Variants in DOP1B observed in about 807,000 individuals in gnomAD.
DOP1B encodes the protein protein DOP1B.
In DOP1B, 174 loss-of-function variants were observed where a neutral mutation model predicts 233.5. The observed-to-expected ratio is 0.75, with a 90% CI of 0.66 to 0.85. DOP1B has a LOEUF of 0.85. DOP1B is among the 40% of genes least tolerant of loss of function. The pLI is 0.00. For missense variants in DOP1B, 2,652 were observed against 2,846.6 expected, an observed-to-expected ratio of 0.93 and a Z score of 1.56; for synonymous variants, 1,190 against 1,185.6, an observed-to-expected ratio of 1.00 and a Z score of -0.08.
At chr21:36,174,319 C>A (rs1355750197) in intron 2 of DOP1B, among the ~76,000 whole-genome samples, 2 of 152,146 alleles carry the variant, frequency 1.3e-5, no homozygotes, top group African/African-American at 4.8e-5. Flanking sequence ...GAAACCCCGT[C>A]TCTACTAAAA....
chr21:36,158,688 A>C (rs1282782004), intron 1 of DOP1B, among the ~76,000 whole-genome samples: 1 of 151,894 alleles, frequency 6.6e-6, no homozygotes, highest in Non-Finnish European at 1.5e-5. Flanking sequence ...CTGTAGTCCC[A>C]GCTACTCGGG....
chr21:36,196,563 A>G (rs1374481874), intron 2 of DOP1B, among the ~76,000 whole-genome samples: 1 of 147,340 alleles, frequency 6.8e-6, no homozygotes, highest in Non-Finnish European at 1.5e-5. Flanking sequence ...ACATTTTTTC[A>G]CATTATTTTA....
chr21:36,219,670 C>T (rs1189055314), intron 10 of DOP1B, among the ~76,000 whole-genome samples, 178 bp downstream of exon 10: 2 of 152,066 alleles, frequency 1.3e-5, no homozygotes, highest in Non-Finnish European at 2.9e-5. Context: ...TTGACTGTTC[C>T]CTACTGAGTA....
At chr21:36,252,845 G>C (rs995012705) in intron 22 of DOP1B, among the ~76,000 whole-genome samples, 50 of 152,280 alleles carry the variant, frequency 3.3e-4, no homozygotes, top group African/African-American at 1.2e-3. Flanking sequence ...CCACTTGACT[G>C]GTCCATGATG....
chr21:36,226,497 C>T (rs1030331253), intron 12 of DOP1B, among the ~76,000 whole-genome samples: 3 of 152,056 alleles, frequency 2.0e-5, no homozygotes, highest in African/African-American at 7.2e-5. Context: ...CAGGGTTTCA[C>T]CATATTGGCC....
At chr21:36,198,086 A>G (rs2066313861) in intron 2 of DOP1B, among the ~76,000 whole-genome samples, 1 of 151,936 alleles carries the variant, frequency 6.6e-6, no homozygotes, top group African/African-American at 2.4e-5. Context: ...TGTGTGAGCA[A>G]ATGAACTACT....
intron 15 of DOP1B, among the ~76,000 whole-genome samples, chr21:36,235,377 C>G (rs1187820586): frequency 6.6e-6 from 1 of 152,006 alleles, no homozygotes; most frequent in Non-Finnish European, 1.5e-5. Context: ...TGGCAGATTT[C>G]AGATAACTAA....
rs534107878 is a variant in DOP1B at position 36,179,830 on chromosome 21, G to A, written c.138+14959G>A. On this transcript the variant is annotated intron_variant, in intron 2 of 36. Coordinates refer to ENST00000691173, the MANE Select transcript of DOP1B (RefSeq NM_001320714.2). Reference sequence around the variant, plus strand: ...GACTAGTGTATTTCCAGTTTTTCACGACTCTGAATAAAGCTGTAATGAACA... The same window carrying A: ...GACTAGTGTATTTCCAGTTTTTCACAACTCTGAATAAAGCTGTAATGAACA... Among the ~76,000 whole-genome samples the A allele has an allele frequency of 2.0e-5, 3 of 152,252 alleles. No homozygotes were observed. In the South Asian group the frequency reaches 6.2e-4, roughly 32 times the overall value.
At chr21:36,253,639 A>C in intron 22 of DOP1B, 133 bp from the exon 23 acceptor site, 3 of 664,752 alleles carry the variant, frequency 4.5e-6, no homozygotes, top group Admixed American at 8.7e-5. Context: ...CCGTGTTTCA[A>C]AAAAAAAAAA....
In DOP1B at chr21:36,198,003, G is replaced by C. The variant is rs185773198; in HGVS notation, c.139-1067G>C. On this transcript the variant is annotated intron_variant, in intron 2 of 36. Coordinates refer to ENST00000691173, the MANE Select transcript of DOP1B (RefSeq NM_001320714.2). ...CCATTGCACTCCGGCCTGGGCAACA[G>C]AGCAAGACTCCGTCTCAAAAAAAAA... Among the ~76,000 whole-genome samples, 1,367 of 142,630 alleles carry C rather than the reference G, an allele frequency of 9.6e-3. 21 individuals carry two copies. The highest frequency in any genetic ancestry group is 0.032 in the African/African-American group (1,253 of 38,584). 93.6% of individuals were successfully genotyped at this position (142,630 alleles called of 152,430 possible). A position where few individuals can be genotyped will look rare whatever the true frequency, so the allele number is the denominator to read the frequency against.
chr21:36,275,224 C>T (rs763846466), intron 27 of DOP1B, among the ~76,000 whole-genome samples: 11 of 152,102 alleles, frequency 7.2e-5, no homozygotes, highest in Non-Finnish European at 1.3e-4. Flanking sequence ...GAAATTAATT[C>T]AAGAGAGAGG....
At chr21:36,250,562 G>T (rs1357793553) in intron 21 of DOP1B, among the ~76,000 whole-genome samples, 1 of 152,212 alleles carries the variant, frequency 6.6e-6, no homozygotes, top group Non-Finnish European at 1.5e-5. Flanking sequence ...TGAGAGAGCG[G>T]TAGGATTTAC....
intron 32 of DOP1B, among the ~76,000 whole-genome samples, chr21:36,283,210 A>G (rs2067438536): frequency 6.6e-6 from 1 of 151,866 alleles, no homozygotes; most frequent in African/African-American, 2.4e-5. Context: ...GCCTCCAAGT[A>G]GCTGGGATTA....
rs1255121046 is a variant in DOP1B, at chr21:36,252,327, A to G, written c.5121+1043A>G. ...ACACTTGTTAGCTGGGCATGGTGGT[A>G]TGCGCCTATAGTCCTAGTTACTTGG... On this transcript the variant is annotated intron_variant, in intron 22 of 36. Coordinates refer to ENST00000691173, the MANE Select transcript of DOP1B (RefSeq NM_001320714.2). Among the ~76,000 whole-genome samples the G allele has an allele frequency of 7.9e-5, 12 of 151,806 alleles. No homozygotes were observed. The South Asian group carries it at 2.1e-3, about 26-fold the overall frequency.
chr21:36,190,865 C>T (rs532879806), intron 2 of DOP1B, among the ~76,000 whole-genome samples: 2 of 152,146 alleles, frequency 1.3e-5, no homozygotes, highest in Non-Finnish European at 2.9e-5. Context: ...TTGGCAAAGC[C>T]TGGATGGAGG....
At chr21:36,286,273 G>A (rs968329434) in intron 32 of DOP1B, among the ~76,000 whole-genome samples, 3 of 152,084 alleles carry the variant, frequency 2.0e-5, no homozygotes, top group Admixed American at 6.6e-5. Flanking sequence ...GAGGACTGTC[G>A]TTAATAACAC....
intron 32 of DOP1B, 52 bp downstream of exon 32, chr21:36,281,663 A>AC (rs1304256191): frequency 1.4e-6 from 2 of 1,406,774 alleles, no homozygotes; most frequent in African/African-American, 2.9e-5. Flanking sequence ...AATACCTGAG[A>AC]CTGGGGAATT....
intron 30 of DOP1B, among the ~76,000 whole-genome samples, chr21:36,278,784 G>A (rs988724897): frequency 1.3e-5 from 2 of 152,118 alleles, no homozygotes; most frequent in African/African-American, 4.8e-5. Context: ...TATGAGAATC[G>A]CTTGAACCTG....
At chr21:36,173,832 A>G (rs1265278570) in intron 2 of DOP1B, among the ~76,000 whole-genome samples, 2 of 151,992 alleles carry the variant, frequency 1.3e-5, no homozygotes, top group Non-Finnish European at 2.9e-5. Context: ...AAATAAATTA[A>G]CTCTGGATTT....
Sources: allele counts gnomAD v4.1 joint callset (sites outside exome capture counted in the v4.1 genomes callset), GRCh38; gene constraint gnomAD v4.1.1; transcripts MANE v1.5; gene names NCBI Gene and HGNC (gene_info 2026-07-23, HGNC 2026-07-21).